Variants in CPNE4 observed in about 807,000 individuals in gnomAD.
CPNE4 encodes the protein copine 4, also known as copine-4.
A neutral mutation model predicts 67.9 loss-of-function variants in CPNE4; 25 were observed. The observed-to-expected ratio is 0.37, with a 90% CI of 0.27 to 0.51. The LOEUF is 0.51. CPNE4 is among the 20% of genes least tolerant of loss of function. The pLI is 0.93. For missense variants in CPNE4, 464 were observed against 690.8 expected (o/e 0.67, Z 3.68); for synonymous variants, 242 against 244.9 (o/e 0.99, Z 0.11).
chr3:131,671,491 G>A (rs1020738925), intron 6 of CPNE4, among the ~76,000 whole-genome samples: 8 of 150,950 alleles, frequency 5.3e-5, no homozygotes, highest in East Asian at 2.0e-4. Context: ...GTGTGTGTAC[G>A]TGCAGGCTAC....
At chr3:131,871,244 G>T (rs757959272) in intron 2 of CPNE4, among the ~76,000 whole-genome samples, 3 of 152,142 alleles carry the variant, frequency 2.0e-5, no homozygotes, top group Non-Finnish European at 4.4e-5. Flanking sequence ...AACTGAAGAT[G>T]GAACAGGAGA....
intron 1 of CPNE4, among the ~76,000 whole-genome samples, chr3:131,931,291 C>A (rs1456886087): frequency 2.6e-5 from 4 of 152,130 alleles, no homozygotes; most frequent in Non-Finnish European, 5.9e-5. Flanking sequence ...AACTATTTCA[C>A]TGAAGACAAA....
chr3:131,673,013 G>A (rs1582998633), intron 6 of CPNE4, among the ~76,000 whole-genome samples: 1 of 152,088 alleles, frequency 6.6e-6, no homozygotes, highest in South Asian at 2.1e-4. Context: ...TTTGATTTTT[G>A]TATATGGTAA....
intron 1 of CPNE4, among the ~76,000 whole-genome samples, chr3:132,004,578 A>T (rs1389395975): frequency 6.6e-6 from 1 of 151,932 alleles, no homozygotes; most frequent in Non-Finnish European, 1.5e-5. Context: ...CACTGACATT[A>T]AAAAAAAGCA....
intron 2 of CPNE4, among the ~76,000 whole-genome samples, chr3:131,897,604 GA>G (rs201823880): frequency 1.3e-5 from 2 of 151,830 alleles, no homozygotes; most frequent in Non-Finnish European, 2.9e-5. Context: ...AATAAAAATA[GA>G]AAAAAATAGG....
At chr3:131,700,501 G>A (rs1174207932) in intron 3 of CPNE4, among the ~76,000 whole-genome samples, 3 of 152,066 alleles carry the variant, frequency 2.0e-5, no homozygotes, top group East Asian at 3.9e-4. Context: ...AAGTAATTGC[G>A]GTTCTCTTCA....
intron 3 of CPNE4, among the ~76,000 whole-genome samples, chr3:131,719,426 C>T (rs953398145): frequency 1.3e-5 from 2 of 152,204 alleles, no homozygotes; most frequent in African/African-American, 2.4e-5. Context: ...GTACCAAAAA[C>T]GTATCTTGAA....
chr3:131,651,730 G>A (rs375689553), intron 7 of CPNE4, among the ~76,000 whole-genome samples: 101 of 152,284 alleles, frequency 6.6e-4, no homozygotes, highest in African/African-American at 2.4e-3. Context: ...ATGTGGGGTA[G>A]TACCTGGCAC....
At chr3:131,987,336 CAAT>C (rs548213152) in intron 1 of CPNE4, among the ~76,000 whole-genome samples, 112 of 150,900 alleles carry the variant, frequency 7.4e-4, no homozygotes, top group African/African-American at 2.7e-3. Context: ...AAAATTGACA[CAAT>C]AAGTAGTACA....
At chr3:131,599,294 T>C (rs1273828630) in intron 7 of CPNE4, among the ~76,000 whole-genome samples, 1 of 152,208 alleles carries the variant, frequency 6.6e-6, no homozygotes, top group Admixed American at 6.5e-5. Flanking sequence ...TATGGGTAGA[T>C]TTTGGCCAGT....
chr3:131,719,846 C>T (rs1389768913), intron 3 of CPNE4, among the ~76,000 whole-genome samples: 1 of 152,212 alleles, frequency 6.6e-6, no homozygotes, highest in African/African-American at 2.4e-5. Flanking sequence ...ATGCGTGTCT[C>T]TTGTTTTAGG....
At chr3:131,892,474 T>A (rs930451039) in intron 2 of CPNE4, among the ~76,000 whole-genome samples, 10 of 152,070 alleles carry the variant, frequency 6.6e-5, no homozygotes, top group African/African-American at 2.4e-4. Context: ...ATAAGTACTA[T>A]CATGAAAACA....
At chr3:131,873,637 C>A (rs1363914000) in intron 2 of CPNE4, among the ~76,000 whole-genome samples, 3 of 152,172 alleles carry the variant, frequency 2.0e-5, no homozygotes, top group Admixed American at 6.5e-5. Flanking sequence ...ATCTATGAAA[C>A]CCTGACTTCC....
At chr3:131,603,558 A>G (rs1158836443) in intron 7 of CPNE4, among the ~76,000 whole-genome samples, 2 of 152,188 alleles carry the variant, frequency 1.3e-5, no homozygotes, top group Non-Finnish European at 2.9e-5. Context: ...TATTTTATTT[A>G]GAATTTAGGT....
chr3:132,033,588 C>T (rs2074286179), intron 1 of CPNE4, among the ~76,000 whole-genome samples: 1 of 152,172 alleles, frequency 6.6e-6, no homozygotes, highest in East Asian at 1.9e-4. Context: ...TCATCTCTGC[C>T]GCCTGTGACT....
intron 7 of CPNE4, 21 bp downstream of exon 7, chr3:131,669,654 T>C (rs770479426): frequency 6.4e-7 from 1 of 1,564,408 alleles, no homozygotes; most frequent in Non-Finnish European, 8.7e-7. Context: ...AAATCACATT[T>C]CTTGGACACA....
chr3:131,762,715 T>C (rs1035613648), intron 2 of CPNE4, among the ~76,000 whole-genome samples: 2 of 152,046 alleles, frequency 1.3e-5, no homozygotes, highest in African/African-American at 4.8e-5. Context: ...CTATGTAAAA[T>C]TTCACTGCTT....
At chr3:131,935,108 G>A (rs2071183839) in intron 1 of CPNE4, among the ~76,000 whole-genome samples, 1 of 152,136 alleles carries the variant, frequency 6.6e-6, no homozygotes, top group Non-Finnish European at 1.5e-5. Flanking sequence ...ATGTTTGTTG[G>A]TGCTTATGAA....
At chr3:132,006,853 C>T (rs1309746317) in intron 1 of CPNE4, among the ~76,000 whole-genome samples, 4 of 152,074 alleles carry the variant, frequency 2.6e-5, no homozygotes, top group Admixed American at 6.6e-5. Flanking sequence ...TGAGAAGACA[C>T]CAACCTGATA....
Sources: gnomAD v4.1 joint callset for allele counts (sites outside exome capture counted in the v4.1 genomes callset) on GRCh38, gnomAD v4.1.1 for gene constraint, MANE v1.5 for transcripts, NCBI Gene and HGNC (gene_info 2026-07-23, HGNC 2026-07-21) for gene names.